MYLK: variants seen among roughly 807,000 people sequenced by gnomAD.
MYLK encodes myosin light chain kinase, smooth muscle.
In MYLK, 106 loss-of-function variants were observed where a neutral mutation model predicts 203.4. That is an observed-to-expected ratio of 0.52 (90% CI 0.45 to 0.61). MYLK has a LOEUF of 0.61. MYLK is among the 20% of genes least tolerant of loss of function. MYLK has a pLI of 0.00. For synonymous variants in MYLK, 867 were observed against 959.5 expected (o/e 0.90, Z 1.78); for missense variants, 2,072 against 2,442.3 (o/e 0.85, Z 3.20).
At chr3:123,665,865 C>T (rs1265214723) in intron 22 of MYLK, among the ~76,000 whole-genome samples, 2 of 152,326 alleles carry the variant, frequency 1.3e-5, no homozygotes, top group African/African-American at 2.4e-5. Flanking sequence ...TCACAGCAAG[C>T]TCATGGAGTC....
intron 17 of MYLK, 89 bp from the exon 18 acceptor site, chr3:123,701,094 G>A (rs1046601097): frequency 6.7e-6 from 10 of 1,501,552 alleles, no homozygotes; most frequent in African/African-American, 1.4e-5. Flanking sequence ...ATCCCTGAGG[G>A]TGGGAGGGTA....
At chr3:123,713,579 ATGTGTGTGTGTGTGTGTGTGTG>A (rs3085274) in intron 13 of MYLK, among the ~76,000 whole-genome samples, 9 of 136,382 alleles carry the variant, frequency 6.6e-5, no homozygotes, top group African/African-American at 1.7e-4. Context: ...GAGCAACACA[ATGTGTGTGTGTGTGTGTGTGTG>A]TGTGTGTGTG....
At chr3:123,683,978 T>C (rs1021575898) in intron 19 of MYLK, among the ~76,000 whole-genome samples, 12 of 152,126 alleles carry the variant, frequency 7.9e-5, no homozygotes, top group Admixed American at 2.6e-4. Flanking sequence ...GTGGACACTC[T>C]TAAGCTCCTC....
At chr3:123,784,027 C>T (rs991839423) in intron 4 of MYLK, among the ~76,000 whole-genome samples, 4 of 152,180 alleles carry the variant, frequency 2.6e-5, no homozygotes, top group African/African-American at 4.8e-5. Context: ...AGAAATGTCA[C>T]GAGGCCCTTC....
At chr3:123,624,183 G>T (rs965898863) in intron 31 of MYLK, 2 of 152,006 alleles carry the variant, frequency 1.3e-5, no homozygotes, top group African/African-American at 4.8e-5. Context: ...AATATTAGCC[G>T]GTCTGGTGGC....
At chr3:123,882,141 G>A (rs1220688756) in intron 1 of MYLK, among the ~76,000 whole-genome samples, 1 of 152,224 alleles carries the variant, frequency 6.6e-6, no homozygotes, top group African/African-American at 2.4e-5. Flanking sequence ...AACTACTCTG[G>A]CTGGGTGCAG....
intron 4 of MYLK, among the ~76,000 whole-genome samples, chr3:123,764,082 C>T (rs529528228): frequency 1.3e-5 from 2 of 152,142 alleles, no homozygotes; most frequent in Admixed American, 1.3e-4. Flanking sequence ...TTCAAAAAAC[C>T]CTTTTTCAGT....
Position 123,700,830 on chromosome 3 carries a change from T to G in MYLK, c.2638A>C (p.Arg880=). The stretch of plus-strand genomic sequence containing the variant: ...CGGATCGCCTCCTCAGTGTGCTGCC[T>G]CGTCTCCACGCGCCTCTTCAGCACC... ...RGVLKRRVET[R]QHTEEAIRQQ... Residue 880 remains arginine (R), a synonymous_variant, in exon 18 of 34, where the codon AGG becomes CGG. Coordinates refer to ENST00000360304, the MANE Select transcript of MYLK (RefSeq NM_053025.4). 1 of 1,614,098 alleles carries G rather than the reference T, an allele frequency of 6.2e-7. No individual in the cohort carries two copies. The highest frequency in any genetic ancestry group is 1.3e-5 in the African/African-American group (1 of 75,046).
intron 20 of MYLK, among the ~76,000 whole-genome samples, chr3:123,667,472 T>C (rs1479341568): frequency 6.6e-6 from 1 of 151,860 alleles, no homozygotes; most frequent in Non-Finnish European, 1.5e-5. Flanking sequence ...GGCATGGTGG[T>C]GTGCACCTGT....
chr3:123,831,763 G>A, intron 2 of MYLK, 93 bp from the exon 3 acceptor site: 1 of 198,494 alleles, frequency 5.0e-6, no homozygotes, highest in Non-Finnish European at 1.1e-5. Context: ...ATCACTCTGG[G>A]ACAGGCTATG....
chr3:123,726,073 CAAGCCCTGTGA>C lies in MYLK; in HGVS notation c.1517-6_1521del. On this transcript the variant is annotated splice_acceptor_variant and splice_polypyrimidine_tract_variant and coding_sequence_variant and intron_variant, in exon 12 of 34. Transcript: ENST00000360304. LOFTEE classifies it high-confidence loss of function. The stretch of plus-strand genomic sequence containing the variant: ...AAGGAGGGGGCCACCTCCATCACGG[CAAGCCCTGTGA>C]GGGAAAAGGACAGGTCAGCTCAGAT... 1 of 1,614,188 alleles carries C rather than the reference CAAGCCCTGTGA, an allele frequency of 6.2e-7. No individual in the cohort carries two copies. The highest frequency in any genetic ancestry group is 8.5e-7 in the Non-Finnish European group (1 of 1,180,028).
intron 2 of MYLK, among the ~76,000 whole-genome samples, chr3:123,842,505 T>C (rs1476310699): frequency 1.3e-5 from 2 of 152,194 alleles, no homozygotes; most frequent in Non-Finnish European, 2.9e-5. Flanking sequence ...TATAGAACCC[T>C]ATGCCTGATA....
At chr3:123,720,140 C>G (rs1384264716) in intron 13 of MYLK, among the ~76,000 whole-genome samples, 1 of 152,218 alleles carries the variant, frequency 6.6e-6, no homozygotes, top group East Asian at 1.9e-4. Flanking sequence ...ATGCAGGCCT[C>G]TTCTCCGAGC....
chr3:123,881,933 C>A (rs1163891624), intron 1 of MYLK, among the ~76,000 whole-genome samples: 2 of 152,228 alleles, frequency 1.3e-5, no homozygotes, highest in Non-Finnish European at 2.9e-5. Flanking sequence ...CCCCCGCCAC[C>A]TGCCAGCCAG....
intron 4 of MYLK, among the ~76,000 whole-genome samples, chr3:123,757,452 T>A (rs2108906200): frequency 6.6e-6 from 1 of 152,238 alleles, no homozygotes; most frequent in Middle Eastern, 3.4e-3. Context: ...AGGGCACAGC[T>A]GCGGTGGCCC....
chr3:123,618,566 A>C, intron 33 of MYLK, 73 bp downstream of exon 33: 2 of 1,600,736 alleles, frequency 1.2e-6, no homozygotes, highest in Non-Finnish European at 1.7e-6. Flanking sequence ...CTTCTTGCCC[A>C]CGGTGCATGG....
rs1384757675 is a variant in MYLK, at chr3:123,700,428, G to A, written c.3040C>T (p.Leu1014=). ...GGCCCTGAAGGCTGTGCATTGCTCA[G>A]GGGCTTGGAACTCTCCACTGCCTTG... ...NAKAVESSKP[L]SNAQPSGPLK... The change falls in exon 18 of 34, where the codon CTG becomes TTG. Residue 1014 remains leucine (L), a synonymous_variant. Transcript: ENST00000360304. 1 of 1,612,230 alleles carries A rather than the reference G, an allele frequency of 6.2e-7. No homozygotes were observed. The highest frequency in any genetic ancestry group is 1.3e-5 in the African/African-American group (1 of 74,642).
At chr3:123,685,930 A>T (rs2060436951) in intron 19 of MYLK, among the ~76,000 whole-genome samples, 1 of 152,146 alleles carries the variant, frequency 6.6e-6, no homozygotes, top group African/African-American at 2.4e-5. Flanking sequence ...CCAGACTCGG[A>T]GCCCCAGGGG....
At chr3:123,663,221 G>GGA (rs1429406892) in intron 23 of MYLK, among the ~76,000 whole-genome samples, 7 of 152,096 alleles carry the variant, frequency 4.6e-5, no homozygotes, top group Non-Finnish European at 8.8e-5. Flanking sequence ...AGCTGACCAG[G>GGA]GCACGAAGAC....
Sources: gnomAD v4.1 joint callset for allele counts (sites outside exome capture counted in the v4.1 genomes callset) on GRCh38, gnomAD v4.1.1 for gene constraint, MANE v1.5 for transcripts, NCBI Gene and HGNC (gene_info 2026-07-23, HGNC 2026-07-21) for gene names.